TMTC2: variants seen among roughly 807,000 people sequenced by gnomAD.
TMTC2 encodes protein O-mannosyl-transferase TMTC2.
In TMTC2, 43 loss-of-function variants were observed where a neutral mutation model predicts 82.4. The observed-to-expected ratio is 0.52, with a 90% CI of 0.41 to 0.67. The LOEUF is 0.67. Among genes scored for constraint, TMTC2 ranks in the 30% least tolerant of loss-of-function variants. The pLI is 0.00. For missense variants in TMTC2, 919 were observed against 1,012.4 expected (o/e 0.91, Z 1.25); for synonymous variants, 408 against 381.9 (o/e 1.07, Z -0.80).
chr12:82,814,346 T>C (rs12146872), intron 1 of TMTC2, among the ~76,000 whole-genome samples: 21,465 of 152,042 alleles, frequency 0.14, 1,773 homozygotes, highest in Middle Eastern at 0.34. Flanking sequence ...AAGAATGAGA[T>C]GGAAAAGAAC....
chr12:82,892,696 T>C (rs1873456305), intron 2 of TMTC2, among the ~76,000 whole-genome samples: 1 of 152,214 alleles, frequency 6.6e-6, no homozygotes, highest in African/African-American at 2.4e-5. Flanking sequence ...GCTTTCTCTC[T>C]TCCTCTCTAC....
chr12:83,111,005 C>G (rs1884583412), intron 11 of TMTC2, among the ~76,000 whole-genome samples: 2 of 152,230 alleles, frequency 1.3e-5, no homozygotes, highest in African/African-American at 4.8e-5. Flanking sequence ...TTCCCATGGT[C>G]TTTCCCATTG....
At chr12:83,111,895 C>T (rs1884611730) in intron 11 of TMTC2, among the ~76,000 whole-genome samples, 2 of 151,814 alleles carry the variant, frequency 1.3e-5, no homozygotes, top group Admixed American at 1.3e-4. Context: ...TATTTACAGT[C>T]TACAAAATGC....
chr12:82,799,482 A>G (rs1878891437), intron 1 of TMTC2, among the ~76,000 whole-genome samples: 1 of 152,162 alleles, frequency 6.6e-6, no homozygotes, highest in Non-Finnish European at 1.5e-5. Flanking sequence ...TCCCAGGACT[A>G]CTGTAGCAAA....
At position 82,857,234 on chromosome 12, in the gene TMTC2, C is replaced by G; in HGVS notation, c.308C>G (p.Thr103Arg). 6.2e-7 allele frequency: 1 copy of G among 1,614,198 alleles called. No individual in the cohort carries two copies. Among genetic ancestry groups the G allele is most frequent in the Non-Finnish European group, 8.5e-7 (1 of 1,180,044 alleles). ...LLHAAVTGLF[T>R]SFSKILLGDG... ...CATGCAGCAGTCACTGGTCTCTTCA[C>G]AAGCTTCTCCAAGATCCTCCTTGGT... Residue 103 changes from threonine (T) to arginine (R), a missense_variant, in exon 2 of 12, where the codon ACA becomes AGA. Physicochemically the swap from Thr to Arg is moderately conservative, Grantham distance 71. Coordinates refer to ENST00000321196, the MANE Select transcript of TMTC2 (RefSeq NM_152588.3).
intron 1 of TMTC2, among the ~76,000 whole-genome samples, chr12:82,724,348 C>G (rs966180380): frequency 2.6e-5 from 4 of 152,182 alleles, no homozygotes; most frequent in African/African-American, 9.7e-5. Flanking sequence ...CCACTCAAAT[C>G]TCATCTCGAA....
rs1263474625 is a variant in TMTC2 at position 83,050,931 on chromosome 12, T to A, written c.2180T>A (p.Leu727His). ...YGQFLLEEAR[L>H]IEAAEMAKKA... ...CAGTTTCTTCTGGAAGAAGCTCGTC[T>A]CATAGAAGCAGCTGAGATGGCAAAA... The change falls in exon 10 of 12, where the codon CTC (leucine) becomes CAC (histidine). Residue 727 changes from leucine (L) to histidine (H), a missense_variant. Physicochemically the swap from Leu to His is moderately conservative, Grantham distance 99. Coordinates refer to ENST00000321196, the MANE Select transcript of TMTC2 (RefSeq NM_152588.3). The A allele has an allele frequency of 1.2e-6, 2 of 1,612,854 alleles. No individual in the cohort carries two copies. The highest frequency in any genetic ancestry group is 1.7e-6 in the Non-Finnish European group (2 of 1,179,354).
At chr12:82,775,215 G>A (rs1306359586) in intron 1 of TMTC2, among the ~76,000 whole-genome samples, 2 of 152,046 alleles carry the variant, frequency 1.3e-5, no homozygotes, top group African/African-American at 4.8e-5. Flanking sequence ...CTTGGAGACC[G>A]AGGCAGAAGG....
chr12:83,070,529 G>A (rs1289013153), intron 11 of TMTC2, among the ~76,000 whole-genome samples: 4 of 151,782 alleles, frequency 2.6e-5, no homozygotes, highest in Admixed American at 6.6e-5. Flanking sequence ...ACTAATTTTT[G>A]TACATTAATT....
chr12:83,022,519 A>G (rs1190207318), intron 8 of TMTC2, among the ~76,000 whole-genome samples: 1 of 152,084 alleles, frequency 6.6e-6, no homozygotes, highest in Admixed American at 6.6e-5. Context: ...TTGATTACCA[A>G]GGCCTGGAAC....
chr12:82,899,287 T>C (rs1873838916), intron 3 of TMTC2, among the ~76,000 whole-genome samples: 1 of 152,042 alleles, frequency 6.6e-6, no homozygotes, highest in Admixed American at 6.6e-5. Flanking sequence ...TCTCAGTTGA[T>C]GGAATCTCCA....
intron 11 of TMTC2, among the ~76,000 whole-genome samples, chr12:83,124,894 C>G (rs1463249729): frequency 6.6e-6 from 1 of 151,988 alleles, no homozygotes; most frequent in Admixed American, 6.6e-5. Flanking sequence ...TAACAGGAGG[C>G]TGATGGAGGT....
At chr12:82,808,717 A>C (rs1879353623) in intron 1 of TMTC2, among the ~76,000 whole-genome samples, 1 of 151,976 alleles carries the variant, frequency 6.6e-6, no homozygotes, top group Non-Finnish European at 1.5e-5. Flanking sequence ...CTGCATCTCA[A>C]CTGCAGTTCA....
chr12:82,826,550 T>C lies in TMTC2; in HGVS notation c.84-30460T>C, dbSNP rs192189090. ...TTGCATTTCATTTTGAATCATCTAC[T>C]CACATAAAAGGACTTGCAGAGATGG... On this transcript the variant is annotated intron_variant, in intron 1 of 11. Transcript: ENST00000321196. Among the ~76,000 whole-genome samples, 3 of 152,360 alleles carry C rather than the reference T, an allele frequency of 2.0e-5. No individual in the cohort carries two copies. In the East Asian group the frequency reaches 5.8e-4, roughly 29 times the overall value.
At chr12:83,071,094 G>C (rs908161776) in intron 11 of TMTC2, among the ~76,000 whole-genome samples, 4 of 150,730 alleles carry the variant, frequency 2.7e-5, no homozygotes, top group Non-Finnish European at 5.9e-5. Flanking sequence ...CAGTTAGCTA[G>C]TATTTTGTTA....
chr12:83,033,134 G>T (rs1465821989), intron 9 of TMTC2, among the ~76,000 whole-genome samples: 1 of 152,054 alleles, frequency 6.6e-6, no homozygotes, highest in African/African-American at 2.4e-5. Context: ...TCAAAATGAG[G>T]TTCCAAAAAG....
intron 10 of TMTC2, among the ~76,000 whole-genome samples, chr12:83,054,399 T>C (rs1291240751): frequency 1.3e-5 from 2 of 151,994 alleles, no homozygotes; most frequent in Admixed American, 6.6e-5. Flanking sequence ...GAGCTAATAA[T>C]TTAACTAGAA....
chr12:83,031,046 G>A (rs74106041), intron 9 of TMTC2, among the ~76,000 whole-genome samples, 167 bp downstream of exon 9: 16,316 of 152,090 alleles, frequency 0.11, 1,412 homozygotes, highest in East Asian at 0.27. Flanking sequence ...AGTCCTATTA[G>A]ACGGGCTGTG....
intron 1 of TMTC2, among the ~76,000 whole-genome samples, chr12:82,712,382 A>G (rs1873668885): frequency 1.4e-5 from 2 of 147,060 alleles, no homozygotes; most frequent in African/African-American, 5.0e-5. Context: ...GTGAGCCAAG[A>G]TCGCACCACT....
Sources: gnomAD v4.1 joint callset for allele counts (sites outside exome capture counted in the v4.1 genomes callset) on GRCh38, gnomAD v4.1.1 for gene constraint, MANE v1.5 for transcripts, NCBI Gene and HGNC (gene_info 2026-07-23, HGNC 2026-07-21) for gene names.